Variants in LDB2 observed in about 807,000 individuals in gnomAD.
The protein encoded by LDB2 is LIM domain binding 2.
A neutral mutation model predicts 44.3 loss-of-function variants in LDB2; 12 were observed. The ratio of observed to expected loss-of-function variants is 0.27; its 90% confidence interval spans 0.17 to 0.44. The LOEUF is 0.44. Ranked by LOEUF, LDB2 falls within the 20% of genes least tolerant of loss-of-function variation. The pLI is 1.00. For synonymous variants in LDB2, 164 were observed against 174.8 expected (o/e 0.94, Z 0.49); for missense variants, 344 against 473.5 (o/e 0.73, Z 2.54).
chr4:16,799,524 T>C (rs1579776529), intron 1 of LDB2, among the ~76,000 whole-genome samples: 2 of 152,380 alleles, frequency 1.3e-5, no homozygotes, highest in East Asian at 1.9e-4. Context: ...TCTTGCCCCA[T>C]CCTTTCCTTT....
intron 2 of LDB2, among the ~76,000 whole-genome samples, chr4:16,704,461 G>T (rs546353659): frequency 2.6e-5 from 4 of 152,236 alleles, no homozygotes; most frequent in Admixed American, 2.6e-4. Context: ...CAAATTTTCT[G>T]CCTTAATTGG....
intron 2 of LDB2, among the ~76,000 whole-genome samples, chr4:16,615,716 AT>A (rs1171392103): frequency 1.3e-5 from 2 of 152,132 alleles, no homozygotes; most frequent in Non-Finnish European, 2.9e-5. Context: ...CATGTATCCC[AT>A]TTTTTTGGAA....
intron 7 of LDB2, chr4:16,506,130 A>T: frequency 1.4e-6 from 1 of 715,912 alleles, no homozygotes; most frequent in South Asian, 2.1e-5. Context: ...TGCAGGTAGC[A>T]TCTCTAGTTA....
At position 16,886,136 on chromosome 4, in the gene LDB2, T is replaced by C. The variant is rs1721636344; in HGVS notation, c.132+12218A>G. 2.6e-5 allele frequency among the ~76,000 whole-genome samples: 4 copies of C among 152,090 alleles called. 1 individual carries two copies. The South Asian group carries it at 8.3e-4, about 32-fold the overall frequency. ...CAGGAGGCTGAGGCTCAAGGATCAC[T>C]TGAGCTCAGGAGGTCAAGTCTGCAG... On this transcript the variant is annotated intron_variant, in intron 1 of 7. Coordinates refer to ENST00000304523, the MANE Select transcript of LDB2 (RefSeq NM_001290.5).
chr4:16,686,564 C>G (rs573582108), intron 2 of LDB2, among the ~76,000 whole-genome samples: 1 of 152,196 alleles, frequency 6.6e-6, no homozygotes, highest in Non-Finnish European at 1.5e-5. Flanking sequence ...TGAAAACAAC[C>G]TTCCCTTCAA....
At chr4:16,746,842 A>G (rs2109066477) in intron 2 of LDB2, among the ~76,000 whole-genome samples, 1 of 152,310 alleles carries the variant, frequency 6.6e-6, no homozygotes, top group South Asian at 2.1e-4. Context: ...ATGTAATCAT[A>G]TGCATTCCTA....
rs547587312 is a variant in LDB2, at chr4:16,606,093, C to G, written c.236-10218G>C. Among the ~76,000 whole-genome samples, 10 of 152,054 alleles carry G rather than the reference C, an allele frequency of 6.6e-5. No individual in the cohort carries two copies. The East Asian group carries it at 1.2e-3, about 18-fold the overall frequency. On this transcript the variant is annotated intron_variant, in intron 2 of 7. Coordinates refer to ENST00000304523, the MANE Select transcript of LDB2 (RefSeq NM_001290.5). ...TCACCTTTTTATCAATGTTCCCTAGCCTTTAGATTTTTAAATTATTTTGTT... is the reference window on the plus strand; with the variant it reads ...TCACCTTTTTATCAATGTTCCCTAGGCTTTAGATTTTTAAATTATTTTGTT...
At chr4:16,758,691 C>G (rs77720713) in intron 2 of LDB2, among the ~76,000 whole-genome samples, 1 of 152,004 alleles carries the variant, frequency 6.6e-6, no homozygotes, top group African/African-American at 2.4e-5. Flanking sequence ...CTCCCCACAC[C>G]CCAAAAAAAG....
rs191295205 is a variant in LDB2 at position 16,645,262 on chromosome 4, C to G, written c.236-49387G>C. Among the ~76,000 whole-genome samples the G allele has an allele frequency of 2.6e-5, 4 of 152,114 alleles. No individual in the cohort carries two copies. In the South Asian group the frequency reaches 8.3e-4, roughly 32 times the overall value. On this transcript the variant is annotated intron_variant, in intron 2 of 7. Coordinates refer to ENST00000304523, the MANE Select transcript of LDB2 (RefSeq NM_001290.5). The stretch of plus-strand genomic sequence containing the variant: ...TTTTAAAAAAGGATTGGTGGCCGGG[C>G]GCGGTGGCTCACGCCTGTAATCCCA...
At chr4:16,752,038 A>G (rs192152103) in intron 2 of LDB2, among the ~76,000 whole-genome samples, 19 of 152,320 alleles carry the variant, frequency 1.2e-4, no homozygotes, top group African/African-American at 3.4e-4. Flanking sequence ...ATGGAACCCC[A>G]TGCGAATAAA....
In LDB2 at chr4:16,511,813, C is replaced by T. The variant is rs1721861582; in HGVS notation, c.739+168G>A. 7.3e-6 allele frequency: 5 copies of T among 685,984 alleles called. No homozygotes were observed. In the South Asian group the frequency reaches 7.8e-5, roughly 11 times the overall value. 42.5% of individuals were successfully genotyped at this position (685,984 alleles called of 1,614,324 possible). On this transcript the variant is annotated intron_variant, in intron 6 of 7. Coordinates refer to ENST00000304523, the MANE Select transcript of LDB2 (RefSeq NM_001290.5). The stretch of plus-strand genomic sequence containing the variant: ...TGTAGATAATTCTTAAGGATGTTTG[C>T]CTGTCACAAATTCATTGTCTTTATG...
At chr4:16,707,892 A>G (rs1436560208) in intron 2 of LDB2, among the ~76,000 whole-genome samples, 1 of 152,242 alleles carries the variant, frequency 6.6e-6, no homozygotes, top group Non-Finnish European at 1.5e-5. Flanking sequence ...ACAGAGGCCC[A>G]TGCGACTCAC....
At chr4:16,755,409 C>T (rs114573574) in intron 2 of LDB2, among the ~76,000 whole-genome samples, 2,324 of 150,356 alleles carry the variant, frequency 0.015, 52 homozygotes, top group African/African-American at 0.054. Flanking sequence ...TTTCTGTTAC[C>T]AGAAATGTGT....
At chr4:16,634,595 T>C (rs950964009) in intron 2 of LDB2, among the ~76,000 whole-genome samples, 1 of 152,208 alleles carries the variant, frequency 6.6e-6, no homozygotes, top group Non-Finnish European at 1.5e-5. Flanking sequence ...CACCATGAGA[T>C]ACCATCTCAT....
intron 1 of LDB2, among the ~76,000 whole-genome samples, chr4:16,865,425 T>C (rs1323646204): frequency 1.3e-5 from 2 of 152,122 alleles, no homozygotes; most frequent in Non-Finnish European, 2.9e-5. Flanking sequence ...TGCGACCAGC[T>C]TGATGCACAG....
intron 2 of LDB2, among the ~76,000 whole-genome samples, chr4:16,612,145 C>T (rs1725840099): frequency 6.6e-6 from 1 of 152,042 alleles, no homozygotes; most frequent in South Asian, 2.1e-4. Context: ...AGGCAGAAAT[C>T]AAAAAGTTCT....
chr4:16,705,103 A>G (rs1425139279), intron 2 of LDB2, among the ~76,000 whole-genome samples: 1 of 152,026 alleles, frequency 6.6e-6, no homozygotes, highest in Non-Finnish European at 1.5e-5. Flanking sequence ...AATAATAATT[A>G]TACATAATCC....
chr4:16,823,307 C>T (rs1474329485), intron 1 of LDB2, among the ~76,000 whole-genome samples: 4 of 152,302 alleles, frequency 2.6e-5, no homozygotes, highest in African/African-American at 9.6e-5. Context: ...GTCTTCTTAT[C>T]CCGAGATAAG....
rs376837723 is a variant in LDB2, at chr4:16,664,848, G to A, written c.236-68973C>T. On this transcript the variant is annotated intron_variant, in intron 2 of 7. Coordinates refer to ENST00000304523, the MANE Select transcript of LDB2 (RefSeq NM_001290.5). ...GGATGCCAAGGCTTAGGAACCAGAT[G>A]CATCAATGTTGGGTCAAGAGAACTG... is the stretch of plus-strand genomic sequence containing the variant. 4.6e-5 allele frequency among the ~76,000 whole-genome samples: 7 copies of A among 152,192 alleles called. No homozygotes were observed. In the East Asian group the frequency reaches 9.6e-4, roughly 21 times the overall value.
Sources: gnomAD v4.1 joint callset for allele counts (sites outside exome capture counted in the v4.1 genomes callset) on GRCh38, gnomAD v4.1.1 for gene constraint, MANE v1.5 for transcripts, NCBI Gene and HGNC (gene_info 2026-07-23, HGNC 2026-07-21) for gene names.